Variants in NRXN1 observed in about 807,000 individuals in gnomAD.
NRXN1 encodes neurexin 1.
NRXN1 carries 39 observed loss-of-function variants against 150.9 expected under a neutral mutation model. The ratio of observed to expected loss-of-function variants is 0.26; its 90% CI spans 0.20 to 0.34. NRXN1 has a LOEUF of 0.34. Among genes scored for constraint, NRXN1 ranks in the 10% least tolerant of loss-of-function variants. The pLI is 1.00. For missense variants in NRXN1, 1,815 were observed against 1,949.9 expected (o/e 0.93, Z 1.30); for synonymous variants, 924 against 757.0 (o/e 1.22, Z -3.62).
chr2:50,035,814 G>A (rs1558740874), intron 21 of NRXN1, among the ~76,000 whole-genome samples: 1 of 152,076 alleles, frequency 6.6e-6, no homozygotes, highest in Non-Finnish European at 1.5e-5. Context: ...TCCAAATTAT[G>A]TCCTGTCTCA....
intron 20 of NRXN1, 57 bp from the exon 21 acceptor site, chr2:50,053,647 A>G: frequency 2.6e-6 from 4 of 1,540,582 alleles, no homozygotes; most frequent in Non-Finnish European, 2.7e-6. Context: ...CTATATCTAC[A>G]ATGGATGATA....
intron 2 of NRXN1, among the ~76,000 whole-genome samples, chr2:50,984,869 T>C (rs1697439755): frequency 6.6e-6 from 1 of 152,084 alleles, no homozygotes; most frequent in African/African-American, 2.4e-5. Flanking sequence ...AAATTTTATT[T>C]AGATCTAAAA....
chr2:50,442,193 T>C (rs1259409361), intron 17 of NRXN1, among the ~76,000 whole-genome samples: 1 of 152,204 alleles, frequency 6.6e-6, no homozygotes, highest in Non-Finnish European at 1.5e-5. Flanking sequence ...GACCTTTGTG[T>C]GCCTTGGATT....
At chr2:50,012,122 T>C (rs1685776605) in intron 21 of NRXN1, among the ~76,000 whole-genome samples, 1 of 152,214 alleles carries the variant, frequency 6.6e-6, no homozygotes, top group East Asian at 1.9e-4. Flanking sequence ...GTAACAACAA[T>C]AATGGTTCAT....
intron 5 of NRXN1, among the ~76,000 whole-genome samples, chr2:50,842,233 T>C (rs182556386): frequency 4.0e-4 from 61 of 152,306 alleles, no homozygotes; most frequent in Admixed American, 7.2e-4. Context: ...AAATGGCTTT[T>C]CTATTACTAT....
At position 50,278,122 on chromosome 2, in the gene NRXN1, G is replaced by A. The variant is rs1411832312; in HGVS notation, c.3365-41152C>T. ...CTCACTCTGTTACCCAGGCTGGAGG[G>A]CAGTGGCAGGATCTTGGCTCACCAC... is the stretch of plus-strand genomic sequence containing the variant. On this transcript the variant is annotated intron_variant, in intron 17 of 22. Coordinates refer to ENST00000401669, the MANE Select transcript of NRXN1 (RefSeq NM_001330078.2). 3.0e-5 allele frequency among the ~76,000 whole-genome samples: 4 copies of A among 134,750 alleles called. No homozygotes were observed. The Admixed American group carries it at 3.2e-4, about 11-fold the overall frequency. 88.4% of individuals were successfully genotyped at this position (134,750 alleles called of 152,430 possible). A position where few individuals can be genotyped will look rare whatever the true frequency, so the allele number is the denominator to read the frequency against.
At chr2:50,027,702 A>T (rs755889826) in intron 21 of NRXN1, among the ~76,000 whole-genome samples, 7 of 152,098 alleles carry the variant, frequency 4.6e-5, no homozygotes, top group Admixed American at 1.3e-4. Flanking sequence ...AAAGAGTGGG[A>T]ATATAGATGG....
chr2:50,578,015 T>C (rs1230463550), intron 8 of NRXN1, among the ~76,000 whole-genome samples: 1 of 152,082 alleles, frequency 6.6e-6, no homozygotes, highest in Non-Finnish European at 1.5e-5. Flanking sequence ...ACATTCAGAT[T>C]TAGCAAAGAA....
At chr2:50,279,680 C>T (rs1412224123) in intron 17 of NRXN1, among the ~76,000 whole-genome samples, 1 of 151,956 alleles carries the variant, frequency 6.6e-6, no homozygotes, top group Non-Finnish European at 1.5e-5. Flanking sequence ...AGCCACAAAG[C>T]TTTAAATAGT....
intron 18 of NRXN1, among the ~76,000 whole-genome samples, chr2:50,101,876 C>G (rs1701027995): frequency 6.6e-6 from 1 of 151,974 alleles, no homozygotes; most frequent in Non-Finnish European, 1.5e-5. Context: ...TTAGTTTTCA[C>G]AAGCCTCAAG....
At chr2:50,457,303 T>A (rs957552860) in intron 17 of NRXN1, among the ~76,000 whole-genome samples, 3 of 152,130 alleles carry the variant, frequency 2.0e-5, no homozygotes, top group African/African-American at 7.2e-5. Context: ...AGTGTTAAAG[T>A]GCACTTATTA....
intron 5 of NRXN1, among the ~76,000 whole-genome samples, chr2:50,766,211 C>G (rs1424786876): frequency 1.3e-5 from 2 of 151,934 alleles, no homozygotes; most frequent in South Asian, 2.1e-4. Flanking sequence ...ATCAGAGGAA[C>G]AGGAATGGAT....
rs1346989507 is a variant in NRXN1 at position 50,308,534 on chromosome 2, T to C, written c.3365-71564A>G. On this transcript the variant is annotated intron_variant, in intron 17 of 22. Transcript: ENST00000401669. Reference sequence around the variant, plus strand: ...TTAATTTTTTATTTTTTTCCAGTTTTTTGAGATGGGAGTCTTGCTATGTTG... The same window carrying C: ...TTAATTTTTTATTTTTTTCCAGTTTCTTGAGATGGGAGTCTTGCTATGTTG... 2.6e-5 allele frequency among the ~76,000 whole-genome samples: 4 copies of C among 152,040 alleles called. No individual in the cohort carries two copies. The East Asian group carries it at 5.8e-4, about 22-fold the overall frequency.
At chr2:50,223,547 C>T (rs1481181191) in intron 18 of NRXN1, among the ~76,000 whole-genome samples, 1 of 151,920 alleles carries the variant, frequency 6.6e-6, no homozygotes, top group Non-Finnish European at 1.5e-5. Context: ...TCTAACCTTA[C>T]TCTGCGTAAT....
At chr2:50,524,636 C>T (rs2092894256) in intron 12 of NRXN1, among the ~76,000 whole-genome samples, 1 of 151,904 alleles carries the variant, frequency 6.6e-6, no homozygotes, top group Non-Finnish European at 1.5e-5. Context: ...AACCAAGAAA[C>T]ACAAAAGGCT....
At chr2:50,995,033 G>T (rs535215751) in intron 2 of NRXN1, among the ~76,000 whole-genome samples, 1 of 151,920 alleles carries the variant, frequency 6.6e-6, no homozygotes, top group Non-Finnish European at 1.5e-5. Context: ...GAATATAAAA[G>T]ATCATTTTAG....
chr2:50,518,159 C>T (rs1328280973), intron 12 of NRXN1, among the ~76,000 whole-genome samples: 4 of 151,960 alleles, frequency 2.6e-5, no homozygotes, highest in Non-Finnish European at 4.4e-5. Flanking sequence ...AAGAGAATTA[C>T]ATTTACAACA....
intron 5 of NRXN1, among the ~76,000 whole-genome samples, chr2:50,684,114 C>T (rs776953210): frequency 5.3e-5 from 8 of 152,244 alleles, no homozygotes; most frequent in Non-Finnish European, 1.0e-4. Flanking sequence ...ATACTAATTA[C>T]TAAACTAGAT....
chr2:50,938,839 A>T (rs1025020605), intron 2 of NRXN1, among the ~76,000 whole-genome samples: 1 of 152,204 alleles, frequency 6.6e-6, no homozygotes, highest in African/African-American at 2.4e-5. Context: ...GAGTTTTAGC[A>T]AACTTTTAAT....
Sources: allele counts gnomAD v4.1 joint callset (sites outside exome capture counted in the v4.1 genomes callset), GRCh38; gene constraint gnomAD v4.1.1; transcripts MANE v1.5; gene names NCBI Gene and HGNC (gene_info 2026-07-23, HGNC 2026-07-21).